The following LRRTM4 variants were observed in gnomAD, a reference collection of about 807,000 sequenced individuals.
LRRTM4 encodes the protein leucine rich repeat transmembrane neuronal 4, also known as leucine-rich repeat transmembrane neuronal protein 4.
Under a neutral mutation model 47.6 loss-of-function variants are expected in LRRTM4, and 25 were observed. The observed-to-expected ratio is 0.53, with a 90% CI of 0.38 to 0.73. The LOEUF (loss-of-function observed/expected upper bound fraction) is 0.73, where lower values mean the gene tolerates loss of function less well. Ranked by LOEUF, LRRTM4 falls within the 30% of genes least tolerant of loss-of-function variation. The pLI is 0.00. For missense variants in LRRTM4, 638 were observed against 713.4 expected (o/e 0.89, Z 1.20); for synonymous variants, 311 against 269.5 (o/e 1.15, Z -1.51).
At chr2:76,890,977 T>C (rs1471369391) in intron 3 of LRRTM4, among the ~76,000 whole-genome samples, 1 of 151,792 alleles carries the variant, frequency 6.6e-6, no homozygotes, top group Non-Finnish European at 1.5e-5. Context: ...AGAGAAGATC[T>C]GAGACTGGTG....
intron 3 of LRRTM4, among the ~76,000 whole-genome samples, chr2:76,836,209 CTT>C (rs1337809012): frequency 6.6e-6 from 1 of 150,552 alleles, no homozygotes; most frequent in Non-Finnish European, 1.5e-5. Flanking sequence ...ATATTAATTC[CTT>C]TTTGTCAGTA....
intron 3 of LRRTM4, among the ~76,000 whole-genome samples, chr2:77,177,565 A>C (rs983275419): frequency 6.6e-6 from 1 of 152,162 alleles, no homozygotes; most frequent in African/African-American, 2.4e-5. Context: ...TCTTCTACAA[A>C]AGCATTTTCA....
intron 3 of LRRTM4, among the ~76,000 whole-genome samples, chr2:77,242,608 T>A (rs1375726556): frequency 6.6e-6 from 1 of 151,552 alleles, no homozygotes; most frequent in African/African-American, 2.4e-5. Flanking sequence ...AAAACCACAA[T>A]GAGACACTAT....
In LRRTM4 at chr2:76,955,345, A is replaced by AAAAGTGT. The variant is rs749578161; in HGVS notation, c.1552-206436_1552-206430dup. On this transcript the variant is annotated intron_variant, in intron 3 of 3. Coordinates refer to ENST00000409884, the MANE Select transcript of LRRTM4 (RefSeq NM_001134745.3). The stretch of plus-strand genomic sequence containing the variant: ...ATGTAAAAAAGTCCGTTGGGAGAAA[A>AAAAGTGT]AAAGTGTAGTGTTTTTGTATGTGAT... Among the ~76,000 whole-genome samples, 14 of 151,934 alleles carry AAAAGTGT rather than the reference A, an allele frequency of 9.2e-5. No individual in the cohort carries two copies. In the South Asian group the frequency reaches 2.3e-3, roughly 25 times the overall value.
intron 3 of LRRTM4, among the ~76,000 whole-genome samples, chr2:76,797,637 G>T (rs1401998053): frequency 6.6e-6 from 1 of 151,310 alleles, no homozygotes; most frequent in Non-Finnish European, 1.5e-5. Flanking sequence ...AATGTAAATG[G>T]ACTAAATGCT....
intron 3 of LRRTM4, among the ~76,000 whole-genome samples, chr2:77,157,785 G>A (rs945674184): frequency 8.5e-5 from 13 of 152,094 alleles, no homozygotes; most frequent in African/African-American, 1.4e-4. Flanking sequence ...GAACCTGAGT[G>A]TGATCAGGAC....
intron 3 of LRRTM4, among the ~76,000 whole-genome samples, chr2:76,775,582 C>A (rs1573080251): frequency 6.6e-6 from 1 of 151,982 alleles, no homozygotes; most frequent in African/African-American, 2.4e-5. Flanking sequence ...TCCTGTTTTA[C>A]AAGCAAAAGA....
intron 3 of LRRTM4, among the ~76,000 whole-genome samples, chr2:77,392,288 C>T (rs564635494): frequency 6.6e-6 from 1 of 151,900 alleles, no homozygotes; most frequent in African/African-American, 2.4e-5. Context: ...AGCCCTGCCC[C>T]CCACCCATCC....
At chr2:77,437,645 A>C (rs915824068) in intron 3 of LRRTM4, among the ~76,000 whole-genome samples, 5 of 152,152 alleles carry the variant, frequency 3.3e-5, no homozygotes, top group Non-Finnish European at 7.4e-5. Context: ...AATGACATAA[A>C]AAGTACAGTA....
Position 77,171,099 on chromosome 2 carries a change from T to C in LRRTM4, c.1551+347219A>G, listed in dbSNP as rs181783491. On this transcript the variant is annotated intron_variant, in intron 3 of 3. Coordinates refer to ENST00000409884, the MANE Select transcript of LRRTM4 (RefSeq NM_001134745.3). ...TGTAAACCTTACTTACTAATGTTGCTATCTTTTGACGGTACCAGCTTAATG... is the reference window on the plus strand; with the variant it reads ...TGTAAACCTTACTTACTAATGTTGCCATCTTTTGACGGTACCAGCTTAATG... Among the ~76,000 whole-genome samples the C allele has an allele frequency of 5.9e-5, 9 of 152,194 alleles. No homozygotes were observed. The East Asian group carries it at 9.7e-4, about 16-fold the overall frequency.
intron 3 of LRRTM4, among the ~76,000 whole-genome samples, chr2:77,428,198 C>A (rs772062933): frequency 2.4e-4 from 36 of 152,126 alleles, no homozygotes; most frequent in Non-Finnish European, 2.1e-4. Flanking sequence ...AACTGTGAGT[C>A]AATTAAACCT....
In LRRTM4 at chr2:76,968,381, T is replaced by TATAC. The variant is rs1251184794; in HGVS notation, c.1552-219469_1552-219466dup. Among the ~76,000 whole-genome samples, 507 of 116,092 alleles carry TATAC rather than the reference T, an allele frequency of 4.4e-3. 3 individuals are homozygous for TATAC. Among genetic ancestry groups the TATAC allele is most frequent in the African/African-American group, 0.016 (482 of 30,562 alleles). The allele number at this position is 116,092 out of a possible 152,430, so 76.2% of individuals were successfully genotyped here. On this transcript the variant is annotated intron_variant, in intron 3 of 3. Coordinates refer to ENST00000409884, the MANE Select transcript of LRRTM4 (RefSeq NM_001134745.3). The stretch of plus-strand genomic sequence containing the variant: ...ATATATATATATATATATATATATA[T>TATAC]ATACACATACATACATACATATATA...
intron 3 of LRRTM4, among the ~76,000 whole-genome samples, chr2:76,841,077 A>G (rs1168223742): frequency 7.1e-6 from 1 of 141,090 alleles, no homozygotes; most frequent in Non-Finnish European, 1.5e-5. Context: ...CATAGACACC[A>G]TGGAATACTA....
chr2:76,946,034 T>C (rs1175145398), intron 3 of LRRTM4, among the ~76,000 whole-genome samples: 1 of 151,816 alleles, frequency 6.6e-6, no homozygotes, highest in African/African-American at 2.4e-5. Flanking sequence ...ATCACTAAAG[T>C]ATAGCATTTT....
At chr2:76,756,939 A>G (rs1294974614) in intron 3 of LRRTM4, among the ~76,000 whole-genome samples, 1 of 152,196 alleles carries the variant, frequency 6.6e-6, no homozygotes, top group African/African-American at 2.4e-5. Flanking sequence ...AAAGAACAAT[A>G]ATCATACCCT....
intron 3 of LRRTM4, among the ~76,000 whole-genome samples, chr2:77,058,997 T>C (rs1448878436): frequency 6.6e-6 from 1 of 152,144 alleles, no homozygotes; most frequent in Non-Finnish European, 1.5e-5. Flanking sequence ...TAAGTGACTT[T>C]TACAAATTTT....
At chr2:76,897,449 A>G (rs1673460866) in intron 3 of LRRTM4, among the ~76,000 whole-genome samples, 1 of 152,138 alleles carries the variant, frequency 6.6e-6, no homozygotes, top group Admixed American at 6.6e-5. Flanking sequence ...AAATTTTCTC[A>G]TGCATAGTTT....
intron 3 of LRRTM4, among the ~76,000 whole-genome samples, chr2:77,110,453 A>C (rs1487690949): frequency 6.6e-6 from 1 of 152,162 alleles, no homozygotes; most frequent in Non-Finnish European, 1.5e-5. Flanking sequence ...AAGGATTGTT[A>C]ATGGAAGTTG....
At chr2:76,939,980 C>T (rs1340047601) in intron 3 of LRRTM4, among the ~76,000 whole-genome samples, 1 of 151,684 alleles carries the variant, frequency 6.6e-6, no homozygotes, top group Non-Finnish European at 1.5e-5. Context: ...TTCTTTTATT[C>T]AAAAAATAAC....
Sources: allele counts gnomAD v4.1 joint callset (sites outside exome capture counted in the v4.1 genomes callset), GRCh38; gene constraint gnomAD v4.1.1; transcripts MANE v1.5; gene names NCBI Gene and HGNC (gene_info 2026-07-23, HGNC 2026-07-21).